Variants in C1orf21 observed in about 807,000 individuals in gnomAD.
The protein encoded by C1orf21 is uncharacterized protein C1orf21.
A neutral mutation model predicts 18.7 loss-of-function variants in C1orf21; 3 were observed. That is an observed-to-expected ratio of 0.16 (90% CI 0.07 to 0.42). The LOEUF (loss-of-function observed/expected upper bound fraction) is 0.42. Ranked by LOEUF, C1orf21 falls within the 10% of genes least tolerant of loss-of-function variation. C1orf21 has a pLI of 0.99. For missense variants in C1orf21, 104 were observed against 143.6 expected (o/e 0.72, Z 1.41); for synonymous variants, 41 against 46.4 (o/e 0.88, Z 0.47).
At chr1:184,435,502 C>A (rs1482920826) in intron 1 of C1orf21, among the ~76,000 whole-genome samples, 1 of 152,152 alleles carries the variant, frequency 6.6e-6, no homozygotes, top group Non-Finnish European at 1.5e-5. Context: ...CACCACCATG[C>A]CCAGCTAATT....
intron 1 of C1orf21, among the ~76,000 whole-genome samples, chr1:184,391,565 T>C (rs1655970734): frequency 6.6e-6 from 1 of 152,216 alleles, no homozygotes; most frequent in Non-Finnish European, 1.5e-5. Context: ...GAGAAATACA[T>C]TAGATGTGGA....
At chr1:184,512,483 G>A (rs1313313261) in intron 3 of C1orf21, among the ~76,000 whole-genome samples, 4 of 152,122 alleles carry the variant, frequency 2.6e-5, no homozygotes, top group Non-Finnish European at 2.9e-5. Context: ...GATGATGAAT[G>A]ATTTATATGT....
intron 5 of C1orf21, 99 bp from the exon 6 acceptor site, chr1:184,619,419 A>G: frequency 1.5e-6 from 2 of 1,298,002 alleles, no homozygotes; most frequent in Admixed American, 1.9e-5. Flanking sequence ...ATTCTGTTGC[A>G]AGGAGACATA....
At chr1:184,590,005 C>A (rs1659413674) in intron 3 of C1orf21, among the ~76,000 whole-genome samples, 1 of 152,148 alleles carries the variant, frequency 6.6e-6, no homozygotes, top group Non-Finnish European at 1.5e-5. Flanking sequence ...TCTTTCCTTT[C>A]ATTTCAGGGG....
rs377716794 is a variant in C1orf21, at chr1:184,525,629, C to T, written c.189+17947C>T. On this transcript the variant is annotated intron_variant, in intron 3 of 5. Coordinates refer to ENST00000235307, the MANE Select transcript of C1orf21 (RefSeq NM_030806.4). ...TGACCAGAAGGATATGAGGGATTAT[C>T]TCTGGGTGGTAGGGTTATGGGAGAT... Among the ~76,000 whole-genome samples the T allele has an allele frequency of 2.6e-5, 4 of 152,214 alleles. No homozygotes were observed. The East Asian group carries it at 5.8e-4, about 22-fold the overall frequency.
chr1:184,565,435 C>A (rs1207716276), intron 3 of C1orf21, among the ~76,000 whole-genome samples: 2 of 152,214 alleles, frequency 1.3e-5, no homozygotes, highest in Non-Finnish European at 2.9e-5. Flanking sequence ...GTGGCAGAGT[C>A]TAGCTTTTAA....
chr1:184,468,007 T>TGA (rs1324789898), intron 1 of C1orf21, among the ~76,000 whole-genome samples: 19 of 150,308 alleles, frequency 1.3e-4, no homozygotes, highest in African/African-American at 4.4e-4. Flanking sequence ...TGTGTGTGTG[T>TGA]GTGTGAGAGA....
At chr1:184,479,862 A>G (rs1198769640) in intron 2 of C1orf21, among the ~76,000 whole-genome samples, 3 of 152,014 alleles carry the variant, frequency 2.0e-5, no homozygotes, top group Non-Finnish European at 4.4e-5. Flanking sequence ...GACTCAAGCA[A>G]TCTGCCCACC....
At chr1:184,428,659 A>G (rs1187996801) in intron 1 of C1orf21, among the ~76,000 whole-genome samples, 1 of 152,220 alleles carries the variant, frequency 6.6e-6, no homozygotes, top group Non-Finnish European at 1.5e-5. Flanking sequence ...GTAAATTTTC[A>G]TAGTTCTGAT....
chr1:184,505,258 C>A (rs1438431490), intron 2 of C1orf21, among the ~76,000 whole-genome samples: 1 of 145,818 alleles, frequency 6.9e-6, no homozygotes, highest in Non-Finnish European at 1.5e-5. Flanking sequence ...TTACCCTCTT[C>A]CCCATCCTAC....
intron 3 of C1orf21, chr1:184,568,292 A>G (rs891255676): frequency 1.4e-5 from 5 of 348,504 alleles, no homozygotes; most frequent in Admixed American, 3.5e-5. Flanking sequence ...CATTCACATT[A>G]TTGTGCAACC....
intron 3 of C1orf21, among the ~76,000 whole-genome samples, chr1:184,530,355 A>G (rs907369178): frequency 6.6e-6 from 1 of 152,130 alleles, no homozygotes; most frequent in African/African-American, 2.4e-5. Context: ...AGCATTAAGA[A>G]TGGTGCCTGC....
chr1:184,619,114 G>A (rs1429149075), intron 5 of C1orf21, among the ~76,000 whole-genome samples: 1 of 152,192 alleles, frequency 6.6e-6, no homozygotes, highest in Non-Finnish European at 1.5e-5. Flanking sequence ...TGGATTGTAT[G>A]CTGTCTGTAG....
At chr1:184,488,456 G>T (rs1330786096) in intron 2 of C1orf21, among the ~76,000 whole-genome samples, 1 of 152,186 alleles carries the variant, frequency 6.6e-6, no homozygotes, top group Non-Finnish European at 1.5e-5. Context: ...AGAGGCAGCA[G>T]ACACAGATGA....
intron 1 of C1orf21, among the ~76,000 whole-genome samples, chr1:184,436,379 C>T (rs185587334): frequency 6.6e-5 from 10 of 152,052 alleles, no homozygotes; most frequent in Admixed American, 3.9e-4. Context: ...TGGCAGTGGT[C>T]GGCTTGGAGA....
In C1orf21 at chr1:184,620,104, A is replaced by G. The variant is rs1659893467; in HGVS notation, c.*548A>G. The G allele has an allele frequency of 6.5e-6, 1 of 152,810 alleles. No homozygotes were observed. Among genetic ancestry groups the G allele is most frequent in the Admixed American group, 6.5e-5 (1 of 15,288 alleles). The allele number at this position is 152,810 out of a possible 1,614,324, so 9.5% of individuals were successfully genotyped here. ...AAGCCTTGTTTCTCTGCTCAGAAGAAGTAGAGAAGCTATTATCAATTAAAA... is the reference window on the plus strand; with the variant it reads ...AAGCCTTGTTTCTCTGCTCAGAAGAGGTAGAGAAGCTATTATCAATTAAAA... On this transcript the variant is annotated 3_prime_UTR_variant, in exon 6 of 6. Coordinates refer to ENST00000235307, the MANE Select transcript of C1orf21 (RefSeq NM_030806.4).
chr1:184,392,869 C>A (rs1655995918), intron 1 of C1orf21, among the ~76,000 whole-genome samples: 1 of 139,356 alleles, frequency 7.2e-6, no homozygotes, highest in Admixed American at 7.9e-5. Flanking sequence ...CATTCTGTCA[C>A]CCAGGCTAGA....
intron 1 of C1orf21, among the ~76,000 whole-genome samples, chr1:184,470,382 A>T (rs190340592): frequency 6.6e-6 from 1 of 152,250 alleles, no homozygotes; most frequent in East Asian, 1.9e-4. Context: ...AAAAAGGGGG[A>T]AAACAGGTGC....
At chr1:184,603,860 A>G (rs1213073201) in intron 5 of C1orf21, among the ~76,000 whole-genome samples, 1 of 152,270 alleles carries the variant, frequency 6.6e-6, no homozygotes, top group African/African-American at 2.4e-5. Flanking sequence ...TCTATTGAAC[A>G]GTCATTTACA....
Sources: gnomAD v4.1 joint callset for allele counts (sites outside exome capture counted in the v4.1 genomes callset) on GRCh38, gnomAD v4.1.1 for gene constraint, MANE v1.5 for transcripts, NCBI Gene and HGNC (gene_info 2026-07-23, HGNC 2026-07-21) for gene names.